Variants in SEPTIN9 observed in about 807,000 individuals in gnomAD.
SEPTIN9 encodes the protein septin-9.
SEPTIN9 carries 13 observed loss-of-function variants against 56.6 expected under a neutral mutation model. The observed-to-expected ratio is 0.23, with a 90% confidence interval of 0.15 to 0.37. SEPTIN9 has a LOEUF of 0.37. SEPTIN9 is among the 10% of genes least tolerant of loss of function. SEPTIN9 has a pLI of 1.00. For missense variants in SEPTIN9, 650 were observed against 823.1 expected, an observed-to-expected ratio of 0.79 and a Z score of 2.57; for synonymous variants, 332 against 334.1, an observed-to-expected ratio of 0.99 and a Z score of 0.07.
chr17:77,406,995 A>T (rs932300041), intron 3 of SEPTIN9, among the ~76,000 whole-genome samples: 1 of 152,138 alleles, frequency 6.6e-6, no homozygotes, highest in South Asian at 2.1e-4. Context: ...AAAGAATCCC[A>T]TAAGGGGCCA....
At position 77,487,490 on chromosome 17, in the gene SEPTIN9, C is replaced by T. The variant is rs763816708; in HGVS notation, c.980C>T (p.Ser327Leu). 1.7e-5 allele frequency: 27 copies of T among 1,613,026 alleles called. No homozygotes were observed. Among genetic ancestry groups the T allele is most frequent in the African/African-American group, 4.0e-5 (3 of 74,908 alleles). Residue 327 changes from serine to leucine, a missense_variant, in exon 5 of 12, where the codon TCG becomes TTG. Physicochemically the swap from Ser to Leu is moderately radical, Grantham distance 145. Around this residue, in one of 2 missense-constraint regions of SEPTIN9, gnomAD observed 333 missense variants for 494.0 expected, o/e 0.67. Coordinates refer to ENST00000427177, the MANE Select transcript of SEPTIN9 (RefSeq NM_001113491.2). This position sits in a 1 kb window ranked among gnomAD's most constrained non-coding sequence, Gnocchi z 4.3. ...TLFKSKISRK[S>L]VQPTSEERIP... ...TTCAAATCCAAAATCAGCCGGAAGTCGGTGCAGCCCACCTCAGAGGAGCGC... is the reference window on the plus strand; with the variant it reads ...TTCAAATCCAAAATCAGCCGGAAGTTGGTGCAGCCCACCTCAGAGGAGCGC...
At chr17:77,287,562 A>G (rs1032646967) in intron 1 of SEPTIN9, among the ~76,000 whole-genome samples, 4 of 152,166 alleles carry the variant, frequency 2.6e-5, no homozygotes, top group African/African-American at 7.2e-5. Context: ...CCAGCTCTGC[A>G]GGGTGGCCTG....
In SEPTIN9 at chr17:77,400,442, A is replaced by C. The variant is rs949525650; in HGVS notation, c.77-1617A>C. ...GTGACCCAGGATTTCGTCTGTGTCC[A>C]CCAAGAAGGAGAGGTGCCTGTGGCT... On this transcript the variant is annotated intron_variant, in intron 2 of 11. Coordinates refer to ENST00000427177, the MANE Select transcript of SEPTIN9 (RefSeq NM_001113491.2). This position sits in a 1 kb window ranked among gnomAD's most constrained non-coding sequence, Gnocchi z 4.1. 2.6e-5 allele frequency: 4 copies of C among 152,072 alleles called. No homozygotes were observed. Among genetic ancestry groups the C allele is most frequent in the African/African-American group, 9.7e-5 (4 of 41,372 alleles). 9.4% of individuals were successfully genotyped at this position (152,072 alleles called of 1,614,324 possible). A position where few individuals can be genotyped will look rare whatever the true frequency, so the allele number is the denominator to read the frequency against.
intron 10 of SEPTIN9, among the ~76,000 whole-genome samples, chr17:77,493,560 C>A (rs1420915147): frequency 2.6e-5 from 4 of 152,080 alleles, no homozygotes; most frequent in South Asian, 2.1e-4. Flanking sequence ...ACAACACAAA[C>A]GTATTTTCAC....
At position 77,450,429 on chromosome 17, in the gene SEPTIN9, T is replaced by A; in HGVS notation, c.722-31715T>A. ...GTGTCACCAAAGGCTTCTTTCCATT[T>A]GAGTGAATCCCTCCCAGCCCCCAGC... On this transcript the variant is annotated intron_variant, in intron 3 of 11. Coordinates refer to ENST00000427177, the MANE Select transcript of SEPTIN9 (RefSeq NM_001113491.2). The surrounding 1 kb of genome is among the most constrained non-coding windows in gnomAD (Gnocchi z 6.0). The A allele has an allele frequency of 1.0e-6, 1 of 961,850 alleles. No individual in the cohort carries two copies. The highest frequency in any genetic ancestry group is 1.1e-4 in the East Asian group (1 of 8,738). 59.6% of individuals were successfully genotyped at this position (961,850 alleles called of 1,614,324 possible). A position where few individuals can be genotyped will look rare whatever the true frequency, so the allele number is the denominator to read the frequency against.
intron 3 of SEPTIN9, among the ~76,000 whole-genome samples, chr17:77,461,594 A>G (rs1445716357): frequency 6.6e-6 from 1 of 152,212 alleles, no homozygotes; most frequent in Non-Finnish European, 1.5e-5. Context: ...AGCTTTATGG[A>G]GATAGAATTC....
At chr17:77,302,884 A>T (rs992522495) in intron 1 of SEPTIN9, among the ~76,000 whole-genome samples, 3 of 152,090 alleles carry the variant, frequency 2.0e-5, no homozygotes, top group Non-Finnish European at 2.9e-5. Context: ...CACAAGGAAG[A>T]CACTGCACAG....
At chr17:77,458,440 A>G (rs1411571202) in intron 3 of SEPTIN9, among the ~76,000 whole-genome samples, 1 of 152,220 alleles carries the variant, frequency 6.6e-6, no homozygotes, top group Non-Finnish European at 1.5e-5. Context: ...GTCTGCAGAC[A>G]GGGAGGAGCC....
intron 2 of SEPTIN9, among the ~76,000 whole-genome samples, chr17:77,308,838 G>A (rs1476409956): frequency 1.3e-5 from 2 of 152,234 alleles, no homozygotes; most frequent in African/African-American, 4.8e-5. Flanking sequence ...CAGGGAGTGG[G>A]AGTGGAGGGG....
At chr17:77,343,967 TGGC>T (rs1190269109) in intron 2 of SEPTIN9, among the ~76,000 whole-genome samples, 1 of 152,186 alleles carries the variant, frequency 6.6e-6, no homozygotes, top group African/African-American at 2.4e-5. Flanking sequence ...ACATTGGAGT[TGGC>T]AATGCTTTCT....
rs1030535059 is a variant in SEPTIN9 at position 77,492,221 on chromosome 17, G to A, written c.1381-400G>A. Reference sequence around the variant, plus strand: ...TGCACGTACCCATGTCGGGCTGCTGGCAGGGAGCTGAGAGGTTACTGCAGG... The same window carrying A: ...TGCACGTACCCATGTCGGGCTGCTGACAGGGAGCTGAGAGGTTACTGCAGG... On this transcript the variant is annotated intron_variant, in intron 8 of 11. Transcript: ENST00000427177. The surrounding 1 kb of genome is among the most constrained non-coding windows in gnomAD (Gnocchi z 5.4). 5.9e-5 allele frequency among the ~76,000 whole-genome samples: 9 copies of A among 152,128 alleles called. No individual in the cohort carries two copies. Among genetic ancestry groups the A allele is most frequent in the African/African-American group, 1.7e-4 (7 of 41,408 alleles).
At chr17:77,488,167 G>C (rs964565672) in intron 5 of SEPTIN9, 73 bp from the exon 6 acceptor site, 3 of 1,428,928 alleles carry the variant, frequency 2.1e-6, no homozygotes, top group African/African-American at 2.8e-5. Context: ...GTTGCCCCGG[G>C]GTCAGTCAGG....
Position 77,487,533 on chromosome 17 carries a change from G to A in SEPTIN9, c.1023G>A (p.Glu341=). The A allele has an allele frequency of 1.2e-6, 2 of 1,613,558 alleles. No individual in the cohort carries two copies. Among genetic ancestry groups the A allele is most frequent in the Non-Finnish European group, 1.7e-6 (2 of 1,179,852 alleles). The change falls in exon 5 of 12, where the codon GAG becomes GAA. Residue 341 remains glutamate, a synonymous_variant. Transcript: ENST00000427177. This position sits in a 1 kb window ranked among gnomAD's most constrained non-coding sequence, Gnocchi z 4.3. The part of the protein sequence containing the change: ...TSEERIPKTI[E]IKSITHDIEE... Reference sequence around the variant, plus strand: ...AGGAGCGCATCCCCAAGACCATCGAGATCAAGTCCATCACGCACGGTCAGT... The same window carrying A: ...AGGAGCGCATCCCCAAGACCATCGAAATCAAGTCCATCACGCACGGTCAGT...
chr17:77,405,108 G>A lies in SEPTIN9; in HGVS notation c.721+2405G>A, dbSNP rs2164449. 595,567 of 1,534,220 alleles carry A rather than the reference G, an allele frequency of 0.39. 121,285 individuals carry two copies. The highest frequency in any genetic ancestry group is 0.48 in the African/African-American group (35,221 of 72,964). On this transcript the variant is annotated intron_variant, in intron 3 of 11. Coordinates refer to ENST00000427177, the MANE Select transcript of SEPTIN9 (RefSeq NM_001113491.2). The surrounding 1 kb of genome is among the most constrained non-coding windows in gnomAD (Gnocchi z 5.8). ...ATCTCGGTGATGGCTGGTGCTGGAT[G>A]CACAGGGACGTGGTCCTGGCTCTGG...
chr17:77,414,874 G>A (rs1005136402), intron 3 of SEPTIN9, among the ~76,000 whole-genome samples: 1 of 152,124 alleles, frequency 6.6e-6, no homozygotes, highest in African/African-American at 2.4e-5. Flanking sequence ...TACTGCGCCT[G>A]GCCGATTCTA....
intron 2 of SEPTIN9, chr17:77,320,396 C>G: frequency 1.3e-6 from 2 of 1,516,454 alleles, no homozygotes; most frequent in South Asian, 1.1e-5. Context: ...CTGCCCTGGA[C>G]TCGGGGCTTT....
chr17:77,438,557 C>T (rs1258460893), intron 3 of SEPTIN9, among the ~76,000 whole-genome samples: 4 of 152,224 alleles, frequency 2.6e-5, no homozygotes, highest in Middle Eastern at 3.4e-3. Context: ...TTTTTAAAAG[C>T]GCAATAGACC....
chr17:77,369,039 G>A lies in SEPTIN9; in HGVS notation c.77-33020G>A, dbSNP rs2034647041. On this transcript the variant is annotated intron_variant, in intron 2 of 11. Coordinates refer to ENST00000427177, the MANE Select transcript of SEPTIN9 (RefSeq NM_001113491.2). This position sits in a 1 kb window ranked among gnomAD's most constrained non-coding sequence, Gnocchi z 4.9. ...GGCAGATCATCTGAGTTCAAAACCAGCCTGGCCAGCAGGGTGAATCCTCAT... is the reference window on the plus strand; with the variant it reads ...GGCAGATCATCTGAGTTCAAAACCAACCTGGCCAGCAGGGTGAATCCTCAT... Among the ~76,000 whole-genome samples, 1 of 152,190 alleles carries A rather than the reference G, an allele frequency of 6.6e-6. No individual in the cohort carries two copies. The highest frequency in any genetic ancestry group is 1.5e-5 in the Non-Finnish European group (1 of 68,030).
chr17:77,373,223 G>A (rs1598269946), intron 2 of SEPTIN9: 1 of 1,113,060 alleles, frequency 9.0e-7, no homozygotes, highest in Non-Finnish European at 1.1e-6. Flanking sequence ...GGGCGGAGCA[G>A]CCAGTGCGAG....
Sources: allele counts gnomAD v4.1 joint callset (sites outside exome capture counted in the v4.1 genomes callset), GRCh38; gene constraint gnomAD v4.1.1; regional missense constraint gnomAD v4.1.1; non-coding constraint Gnocchi (gnomAD v3.1); transcripts MANE v1.5; gene names NCBI Gene and HGNC (gene_info 2026-07-23, HGNC 2026-07-21).